The following CHSY3 variants were observed in gnomAD, a reference collection of about 807,000 sequenced individuals.
The protein encoded by CHSY3 is chondroitin sulfate synthase 3, also known as N-acetylgalactosaminyl-proteoglycan 3-beta-glucuronosyltransferase 3.
In CHSY3, 35 loss-of-function variants were observed where a neutral mutation model predicts 67.2. That is an observed-to-expected ratio of 0.52 (90% CI 0.40 to 0.69). The LOEUF is 0.69. CHSY3 is among the 30% of genes least tolerant of loss of function. The pLI, the probability that CHSY3 is intolerant of heterozygous loss-of-function variation, is 0.00. For missense variants in CHSY3, 1,069 were observed against 1,138.5 expected, an observed-to-expected ratio of 0.94 and a Z score of 0.88; for synonymous variants, 474 against 434.7, an observed-to-expected ratio of 1.09 and a Z score of -1.12.
At chr5:129,931,823 G>T (rs1003474488) in intron 2 of CHSY3, among the ~76,000 whole-genome samples, 12 of 151,976 alleles carry the variant, frequency 7.9e-5, no homozygotes, top group African/African-American at 2.9e-4. Flanking sequence ...ATGGATGAAA[G>T]TCCTCCCCAT....
chr5:130,139,157 A>G (rs976059184), intron 2 of CHSY3, among the ~76,000 whole-genome samples: 7 of 152,214 alleles, frequency 4.6e-5, no homozygotes, highest in African/African-American at 1.7e-4. Context: ...TCACTAGGCA[A>G]TAAAAATGTT....
At chr5:129,920,065 C>G (rs1361525918) in intron 2 of CHSY3, among the ~76,000 whole-genome samples, 3 of 152,142 alleles carry the variant, frequency 2.0e-5, no homozygotes, top group Non-Finnish European at 4.4e-5. Context: ...CTTTTTCTAT[C>G]TAATTGAGGC....
At chr5:130,078,485 A>G (rs1450222014) in intron 2 of CHSY3, among the ~76,000 whole-genome samples, 1 of 152,118 alleles carries the variant, frequency 6.6e-6, no homozygotes, top group Non-Finnish European at 1.5e-5. Flanking sequence ...CATTTTTGGA[A>G]TCATTTTTAA....
chr5:129,950,228 A>G (rs934273491), intron 2 of CHSY3, among the ~76,000 whole-genome samples: 1 of 152,074 alleles, frequency 6.6e-6, no homozygotes, highest in African/African-American at 2.4e-5. Context: ...AAAATTCAAC[A>G]TCCTTTCATG....
At chr5:130,171,240 A>G (rs745763344) in intron 2 of CHSY3, among the ~76,000 whole-genome samples, 1 of 152,190 alleles carries the variant, frequency 6.6e-6, no homozygotes, top group African/African-American at 2.4e-5. Flanking sequence ...GGAAATATCT[A>G]TATAGTCACT....
chr5:130,050,530 A>G (rs1284823144), intron 2 of CHSY3, among the ~76,000 whole-genome samples: 2 of 152,122 alleles, frequency 1.3e-5, no homozygotes, highest in Non-Finnish European at 2.9e-5. Flanking sequence ...ATATTGTACA[A>G]CAATAGCTGG....
chr5:129,914,467 C>T (rs32226), intron 2 of CHSY3, among the ~76,000 whole-genome samples: 1 of 151,960 alleles, frequency 6.6e-6, no homozygotes, highest in African/African-American at 2.4e-5. Context: ...TGTTTATGCC[C>T]CCAAAGTATA....
At chr5:129,965,530 C>T (rs1762445931) in intron 2 of CHSY3, among the ~76,000 whole-genome samples, 1 of 151,818 alleles carries the variant, frequency 6.6e-6, no homozygotes, top group South Asian at 2.1e-4. Flanking sequence ...TGCTGCAGTG[C>T]ACCTTGAGGT....
At chr5:129,966,905 G>T (rs1214885945) in intron 2 of CHSY3, among the ~76,000 whole-genome samples, 2 of 151,790 alleles carry the variant, frequency 1.3e-5, no homozygotes, top group East Asian at 3.9e-4. Context: ...TACAGATACT[G>T]TAAGTAACTT....
intron 2 of CHSY3, among the ~76,000 whole-genome samples, chr5:130,067,348 G>T (rs1765916793): frequency 1.3e-5 from 2 of 152,136 alleles, no homozygotes; most frequent in Non-Finnish European, 2.9e-5. Flanking sequence ...TGAAATATTT[G>T]AAAATTGTCA....
intron 2 of CHSY3, among the ~76,000 whole-genome samples, chr5:130,121,560 A>G (rs944879216): frequency 1.3e-5 from 2 of 152,196 alleles, no homozygotes; most frequent in African/African-American, 4.8e-5. Flanking sequence ...GCACAGAAAC[A>G]TAGATACTTG....
intron 2 of CHSY3, among the ~76,000 whole-genome samples, chr5:130,089,510 G>A (rs973900125): frequency 6.6e-6 from 1 of 152,092 alleles, no homozygotes; most frequent in African/African-American, 2.4e-5. Flanking sequence ...CTCATCAATA[G>A]TTTCAATTGG....
At chr5:129,917,260 T>A (rs1342456055) in intron 2 of CHSY3, among the ~76,000 whole-genome samples, 2 of 152,176 alleles carry the variant, frequency 1.3e-5, no homozygotes, top group Non-Finnish European at 2.9e-5. Flanking sequence ...GTGCATTGTT[T>A]CTAAGACCCC....
At chr5:129,989,331 G>A (rs563666856) in intron 2 of CHSY3, among the ~76,000 whole-genome samples, 2 of 148,018 alleles carry the variant, frequency 1.4e-5, no homozygotes, top group East Asian at 2.0e-4. Flanking sequence ...GTGGGATCTC[G>A]GCTCAGTGCA....
chr5:130,080,049 C>T (rs948972143), intron 2 of CHSY3, among the ~76,000 whole-genome samples: 1 of 151,458 alleles, frequency 6.6e-6, no homozygotes, highest in African/African-American at 2.4e-5. Context: ...CACACACACA[C>T]ACACACACAC....
intron 2 of CHSY3, among the ~76,000 whole-genome samples, chr5:129,943,025 A>G (rs1761744244): frequency 6.6e-6 from 1 of 152,186 alleles, no homozygotes; most frequent in African/African-American, 2.4e-5. Flanking sequence ...GATGATAATG[A>G]AATAATATAT....
At chr5:130,127,297 G>A (rs1376697172) in intron 2 of CHSY3, among the ~76,000 whole-genome samples, 1 of 152,024 alleles carries the variant, frequency 6.6e-6, no homozygotes, top group Non-Finnish European at 1.5e-5. Flanking sequence ...TTCATGCCAT[G>A]CTCTGTGCCA....
chr5:130,154,985 T>A (rs962810319), intron 2 of CHSY3, among the ~76,000 whole-genome samples: 11 of 152,294 alleles, frequency 7.2e-5, no homozygotes, highest in Non-Finnish European at 1.5e-4. Context: ...TCTAACACAC[T>A]CTTCGATGAT....
At chr5:130,181,325 G>C (rs989781059) in intron 2 of CHSY3, among the ~76,000 whole-genome samples, 1 of 151,814 alleles carries the variant, frequency 6.6e-6, no homozygotes, top group Admixed American at 6.6e-5. Context: ...GAACAATTTC[G>C]CTATGTTCAA....
Sources: allele counts gnomAD v4.1 joint callset (sites outside exome capture counted in the v4.1 genomes callset), GRCh38; gene constraint gnomAD v4.1.1; transcripts MANE v1.5; gene names NCBI Gene and HGNC (gene_info 2026-07-23, HGNC 2026-07-21).